APBA1: variants seen among roughly 807,000 people sequenced by gnomAD.
APBA1 encodes the protein amyloid beta precursor protein binding family A member 1.
APBA1 carries 55 observed loss-of-function variants against 86.6 expected under a neutral mutation model. The ratio of observed to expected loss-of-function variants is 0.64; its 90% CI spans 0.51 to 0.80. The LOEUF (loss-of-function observed/expected upper bound fraction) is 0.80, where lower values mean the gene tolerates loss of function less well. Ranked by LOEUF, APBA1 falls within the 30% of genes least tolerant of loss-of-function variation. The pLI is 0.00. For synonymous variants in APBA1, 511 were observed against 493.9 expected, an observed-to-expected ratio of 1.03 and a Z score of -0.46; for missense variants, 1,090 against 1,183.0, an observed-to-expected ratio of 0.92 and a Z score of 1.15.
At chr9:69,435,197 T>C (rs1469425386) in intron 11 of APBA1, among the ~76,000 whole-genome samples, 2 of 152,134 alleles carry the variant, frequency 1.3e-5, no homozygotes, top group African/African-American at 4.8e-5. Flanking sequence ...TCTATCATTG[T>C]TGGACATTTG....
At chr9:69,659,458 C>T (rs549537006) in intron 1 of APBA1, among the ~76,000 whole-genome samples, 443 of 152,304 alleles carry the variant, frequency 2.9e-3, no homozygotes, top group African/African-American at 0.01. Flanking sequence ...AAGCTGCAGA[C>T]GGGTTGATAA....
At chr9:69,566,567 G>A (rs1035587943) in intron 1 of APBA1, among the ~76,000 whole-genome samples, 43 of 152,202 alleles carry the variant, frequency 2.8e-4, no homozygotes, top group African/African-American at 9.4e-4. Context: ...CAATGATTTC[G>A]CATCTCAGAA....
chr9:69,569,580 T>C (rs776530583), intron 1 of APBA1, among the ~76,000 whole-genome samples: 1 of 152,006 alleles, frequency 6.6e-6, no homozygotes, highest in Non-Finnish European at 1.5e-5. Context: ...CAAATGCCAA[T>C]GGTGCCGAGA....
chr9:69,668,032 C>T (rs998611160), intron 1 of APBA1, among the ~76,000 whole-genome samples: 2 of 152,178 alleles, frequency 1.3e-5, no homozygotes, highest in African/African-American at 4.8e-5. Context: ...CCAATTGCCC[C>T]TTGTTTAACG....
chr9:69,602,913 A>T (rs1564089134), intron 1 of APBA1, among the ~76,000 whole-genome samples: 1 of 152,242 alleles, frequency 6.6e-6, no homozygotes, highest in East Asian at 1.9e-4. Context: ...ACATACACAC[A>T]CATGACCATG....
intron 1 of APBA1, among the ~76,000 whole-genome samples, chr9:69,617,639 A>G (rs1422910834): frequency 6.6e-6 from 1 of 151,866 alleles, no homozygotes; most frequent in African/African-American, 2.4e-5. Context: ...TGTCATGGGG[A>G]AAAAAAACGG....
At chr9:69,590,361 G>C (rs945371145) in intron 1 of APBA1, among the ~76,000 whole-genome samples, 1 of 152,190 alleles carries the variant, frequency 6.6e-6, no homozygotes, top group African/African-American at 2.4e-5. Context: ...TGTGGACATG[G>C]GAGACTTTGG....
intron 1 of APBA1, among the ~76,000 whole-genome samples, chr9:69,599,110 AG>A (rs1822295605): frequency 6.6e-6 from 1 of 152,214 alleles, no homozygotes; most frequent in Non-Finnish European, 1.5e-5. Context: ...TGGAGTCTCA[AG>A]GTTACAAGAT....
Position 69,440,988 on chromosome 9 carries a change from C to G in APBA1, c.2301+8G>C, listed in dbSNP as rs1834811502. ...TGTGGAAAAGGGTGTGGAAGGTGTT[C>G]TACTTACAATTCCATTCTGGACGCT... On this transcript the variant is annotated splice_region_variant and intron_variant, in intron 11 of 12. Coordinates refer to ENST00000265381, the MANE Select transcript of APBA1 (RefSeq NM_001163.4). 2 of 1,612,416 alleles carry G rather than the reference C, an allele frequency of 1.2e-6. No homozygotes were observed. The highest frequency in any genetic ancestry group is 8.5e-7 in the Non-Finnish European group (1 of 1,179,318).
intron 1 of APBA1, among the ~76,000 whole-genome samples, chr9:69,567,195 A>G (rs1324335751): frequency 6.6e-6 from 1 of 152,166 alleles, no homozygotes; most frequent in African/African-American, 2.4e-5. Context: ...TTCCACACAG[A>G]AGAAACAATG....
In APBA1 at chr9:69,562,166, C is replaced by T. The variant is rs539138314; in HGVS notation, c.-69-44887G>A. ...TTATCCTGATTTTATCATTATACAA[C>T]GTATACGTGTAAAGCATTACACAGT... On this transcript the variant is annotated intron_variant, in intron 1 of 12. Coordinates refer to ENST00000265381, the MANE Select transcript of APBA1 (RefSeq NM_001163.4). 1.6e-4 allele frequency among the ~76,000 whole-genome samples: 24 copies of T among 152,208 alleles called. No individual in the cohort carries two copies. In the South Asian group the frequency reaches 1.9e-3, roughly 12 times the overall value.
chr9:69,628,781 ACAAT>A (rs780613719), intron 1 of APBA1, among the ~76,000 whole-genome samples: 54 of 152,332 alleles, frequency 3.5e-4, no homozygotes, highest in South Asian at 4.1e-4. Context: ...ACAGTGAGAG[ACAAT>A]CAATTTGTCT....
chr9:69,625,182 G>T (rs1484695276), intron 1 of APBA1, among the ~76,000 whole-genome samples: 1 of 152,084 alleles, frequency 6.6e-6, no homozygotes. Context: ...CAAACACATC[G>T]AGCTTGCACC....
intron 2 of APBA1, among the ~76,000 whole-genome samples, chr9:69,483,465 GC>G (rs937300660): frequency 1.3e-5 from 2 of 152,070 alleles, no homozygotes; most frequent in Non-Finnish European, 2.9e-5. Flanking sequence ...CAGCAATGGT[GC>G]TGGTGTTGGG....
At chr9:69,596,438 A>G (rs1224446699) in intron 1 of APBA1, among the ~76,000 whole-genome samples, 1 of 152,208 alleles carries the variant, frequency 6.6e-6, no homozygotes, top group East Asian at 1.9e-4. Flanking sequence ...ACCAAGACAC[A>G]GGCTCATGGC....
chr9:69,458,429 T>C (rs1254385722), intron 5 of APBA1, among the ~76,000 whole-genome samples: 1 of 152,240 alleles, frequency 6.6e-6, no homozygotes, highest in Non-Finnish European at 1.5e-5. Context: ...TTATACTTAA[T>C]TGCAAGTGAT....
intron 1 of APBA1, among the ~76,000 whole-genome samples, chr9:69,563,643 G>C (rs910722858): frequency 6.6e-6 from 1 of 151,792 alleles, no homozygotes; most frequent in African/African-American, 2.4e-5. Flanking sequence ...TGCTTACTTG[G>C]TTTTAATTTT....
At chr9:69,565,508 T>C (rs560793734) in intron 1 of APBA1, among the ~76,000 whole-genome samples, 1 of 152,272 alleles carries the variant, frequency 6.6e-6, no homozygotes, top group South Asian at 2.1e-4. Context: ...CATACCCCAA[T>C]AGGCAGCTGC....
chr9:69,656,726 C>T (rs1319991249), intron 1 of APBA1, among the ~76,000 whole-genome samples: 1 of 152,124 alleles, frequency 6.6e-6, no homozygotes, highest in Non-Finnish European at 1.5e-5. Context: ...CAAGTTACAT[C>T]GCAATTTAAA....
Sources: allele counts gnomAD v4.1 joint callset (sites outside exome capture counted in the v4.1 genomes callset), GRCh38; gene constraint gnomAD v4.1.1; transcripts MANE v1.5; gene names NCBI Gene and HGNC (gene_info 2026-07-23, HGNC 2026-07-21).